RALGAPA2: variants seen among roughly 807,000 people sequenced by gnomAD.
RALGAPA2 encodes Ral GTPase activating protein catalytic subunit alpha 2.
In RALGAPA2, 139 loss-of-function variants were observed where a neutral mutation model predicts 230.4. The ratio of observed to expected loss-of-function variants is 0.60; its 90% confidence interval spans 0.53 to 0.69. The LOEUF is 0.69. Among genes scored for constraint, RALGAPA2 ranks in the 30% least tolerant of loss-of-function variants. The probability of loss-of-function intolerance (pLI) is 0.00; values close to 1 mark genes in which losing one functional copy is unlikely to be tolerated. For synonymous variants in RALGAPA2, 847 were observed against 837.8 expected (o/e 1.01, Z -0.19); for missense variants, 2,163 against 2,276.0 (o/e 0.95, Z 1.01).
Position 20,531,810 on chromosome 20 carries a change from GA to G in RALGAPA2, c.3474-16del, listed in dbSNP as rs762849786. 1 of 1,518,624 alleles carries G rather than the reference GA, an allele frequency of 6.6e-7. No individual in the cohort carries two copies. The highest frequency in any genetic ancestry group is 1.9e-5 in the Admixed American group (1 of 53,494). The allele number at this position is 1,518,624 out of a possible 1,614,324, so 94.1% of individuals were successfully genotyped here. Reference sequence around the variant, plus strand: ...CAGCAATGCATCTTTTTAAAAAGAAGAAAACAGAGGAAAACTCTCATGAAAC... The same window carrying G: ...CAGCAATGCATCTTTTTAAAAAGAAGAAACAGAGGAAAACTCTCATGAAAC... On this transcript the variant is annotated splice_polypyrimidine_tract_variant and intron_variant, in intron 26 of 39. Coordinates refer to ENST00000202677, the MANE Select transcript of RALGAPA2 (RefSeq NM_020343.4).
chr20:20,536,874 A>G, intron 24 of RALGAPA2, 90 bp from the exon 25 acceptor site: 1 of 1,369,152 alleles, frequency 7.3e-7, no homozygotes, highest in Non-Finnish European at 9.8e-7. Flanking sequence ...CATCCTAGAT[A>G]AAAAATACCA....
intron 11 of RALGAPA2, 26 bp downstream of exon 11, chr20:20,620,437 C>T (rs367744224): frequency 8.1e-6 from 13 of 1,608,894 alleles, no homozygotes; most frequent in Middle Eastern, 1.7e-4. Context: ...TTACCCTCAA[C>T]TCAAAAGACA....
intron 38 of RALGAPA2, among the ~76,000 whole-genome samples, chr20:20,399,165 T>C (rs180689367): frequency 2.6e-5 from 4 of 152,188 alleles, no homozygotes; most frequent in African/African-American, 9.6e-5. Context: ...GCTAACATGA[T>C]GAAATCCTGT....
intron 14 of RALGAPA2, among the ~76,000 whole-genome samples, 161 bp downstream of exon 14, chr20:20,611,154 T>C (rs1481760088): frequency 6.6e-6 from 1 of 152,112 alleles, no homozygotes; most frequent in African/African-American, 2.4e-5. Flanking sequence ...CCAGCACTAA[T>C]TGTAAAGAAC....
intron 27 of RALGAPA2, among the ~76,000 whole-genome samples, chr20:20,528,999 T>C (rs919325567): frequency 6.6e-6 from 1 of 152,210 alleles, no homozygotes. Flanking sequence ...GTAGCAACTC[T>C]TTCCCTCCCA....
intron 27 of RALGAPA2, 86 bp downstream of exon 27, chr20:20,531,600 TA>T: frequency 2.7e-6 from 3 of 1,127,870 alleles, no homozygotes; most frequent in Non-Finnish European, 2.6e-6. Flanking sequence ...ATTTGGGGGA[TA>T]AAAAAGATGG....
chr20:20,467,116 C>A (rs1247142306), intron 37 of RALGAPA2, among the ~76,000 whole-genome samples: 1 of 152,194 alleles, frequency 6.6e-6, no homozygotes, highest in Non-Finnish European at 1.5e-5. Flanking sequence ...CTGACTGGTG[C>A]CCATGAATTA....
intron 31 of RALGAPA2, among the ~76,000 whole-genome samples, chr20:20,518,504 G>A (rs934234856): frequency 1.3e-5 from 2 of 152,022 alleles, no homozygotes; most frequent in Admixed American, 1.3e-4. Context: ...TGATGTATCC[G>A]CTTGGCAAGG....
At chr20:20,665,304 A>T (rs2067924409) in intron 3 of RALGAPA2, among the ~76,000 whole-genome samples, 1 of 152,312 alleles carries the variant, frequency 6.6e-6, no homozygotes, top group Middle Eastern at 3.4e-3. Context: ...CTTCCACAGG[A>T]TCTCCTCTTA....
intron 2 of RALGAPA2, among the ~76,000 whole-genome samples, chr20:20,678,430 C>A (rs1286329244): frequency 6.6e-6 from 1 of 152,160 alleles, no homozygotes; most frequent in East Asian, 1.9e-4. Context: ...TGACAACTGC[C>A]TGTTCTACAG....
intron 23 of RALGAPA2, among the ~76,000 whole-genome samples, chr20:20,559,693 G>A (rs1300992555): frequency 6.6e-6 from 1 of 151,992 alleles, no homozygotes; most frequent in Non-Finnish European, 1.5e-5. Flanking sequence ...GATGCTTTAA[G>A]TGTAGATTTT....
intron 37 of RALGAPA2, among the ~76,000 whole-genome samples, chr20:20,423,907 A>G (rs1034908348): frequency 8.5e-5 from 13 of 152,370 alleles, no homozygotes; most frequent in South Asian, 6.2e-4. Context: ...ACAGTCCACT[A>G]CTGCTCAAAA....
intron 1 of RALGAPA2, among the ~76,000 whole-genome samples, chr20:20,703,356 A>C (rs2147001262): frequency 6.6e-6 from 1 of 152,338 alleles, no homozygotes; most frequent in Non-Finnish European, 1.5e-5. Flanking sequence ...TAAATCCTTT[A>C]AATGACATAA....
intron 3 of RALGAPA2, among the ~76,000 whole-genome samples, chr20:20,655,975 G>T (rs1210726090): frequency 1.3e-5 from 2 of 152,154 alleles, no homozygotes; most frequent in African/African-American, 4.8e-5. Flanking sequence ...TTTGATTCTG[G>T]ACATCCTGCC....
intron 37 of RALGAPA2, among the ~76,000 whole-genome samples, chr20:20,448,040 AT>A (rs2060903516): frequency 6.6e-6 from 1 of 152,182 alleles, no homozygotes; most frequent in African/African-American, 2.4e-5. Flanking sequence ...TTTAACGTTC[AT>A]TTTTTCCAAT....
chr20:20,689,278 A>C (rs563697597), intron 1 of RALGAPA2, among the ~76,000 whole-genome samples: 162 of 152,254 alleles, frequency 1.1e-3, no homozygotes, highest in Non-Finnish European at 1.3e-3. Context: ...ACACACATAT[A>C]TATTATGCCT....
At chr20:20,578,752 A>G (rs1167186525) in intron 20 of RALGAPA2, among the ~76,000 whole-genome samples, 8 of 152,180 alleles carry the variant, frequency 5.3e-5, no homozygotes, top group Non-Finnish European at 1.2e-4. Flanking sequence ...TGAGTGAAAC[A>G]ACTTAATTCT....
At chr20:20,633,027 T>C (rs370876990) in intron 9 of RALGAPA2, among the ~76,000 whole-genome samples, 18 of 151,058 alleles carry the variant, frequency 1.2e-4, no homozygotes, top group South Asian at 4.2e-4. Context: ...CTCTCTCTCT[T>C]TCTTTCTTTC....
rs943823605 is a variant in RALGAPA2, at chr20:20,712,225, G to C, written c.106+150C>G. 8 of 739,238 alleles carry C rather than the reference G, an allele frequency of 1.1e-5. No individual in the cohort carries two copies. Among genetic ancestry groups the C allele is most frequent in the Non-Finnish European group, 1.5e-5 (7 of 481,968 alleles). The allele number at this position is 739,238 out of a possible 1,614,324, so 45.8% of individuals were successfully genotyped here. A position where few individuals can be genotyped will look rare whatever the true frequency, so the allele number is the denominator to read the frequency against. On this transcript the variant is annotated intron_variant, in intron 1 of 39. Coordinates refer to ENST00000202677, the MANE Select transcript of RALGAPA2 (RefSeq NM_020343.4). The surrounding 1 kb of genome is among the most constrained non-coding windows in gnomAD (Gnocchi z 5.5). The stretch of plus-strand genomic sequence containing the variant: ...CGGCTTTCTGGAAACAAAGCCCCGG[G>C]GGTCCAAGCCCAGATCCAGGGAAGG...
Sources: gnomAD v4.1 joint callset for allele counts (sites outside exome capture counted in the v4.1 genomes callset) on GRCh38, gnomAD v4.1.1 for gene constraint, Gnocchi (gnomAD v3.1) non-coding constraint, MANE v1.5 for transcripts, NCBI Gene and HGNC (gene_info 2026-07-23, HGNC 2026-07-21) for gene names.